Variants in ALG1L2 observed in about 807,000 individuals in gnomAD.
ALG1L2 encodes putative glycosyltransferase ALG1L2.
Under a neutral mutation model 29.0 loss-of-function variants are expected in ALG1L2, and 32 were observed. That is an observed-to-expected ratio of 1.10 (90% CI 0.83 to 1.48). The LOEUF is 1.48. Ranked by LOEUF, ALG1L2 falls within the 40% of genes most tolerant of loss-of-function variation. The pLI is 0.00. For synonymous variants in ALG1L2, 110 were observed against 109.5 expected, an observed-to-expected ratio of 1.00 and a Z score of -0.03; for missense variants, 318 against 274.1, an observed-to-expected ratio of 1.16 and a Z score of -1.13.
At chr3:130,096,002 C>G (rs1193155025) in intron 5 of ALG1L2, 47 bp from the exon 6 acceptor site, 3 of 1,493,048 alleles carry the variant, frequency 2.0e-6, no homozygotes, top group Non-Finnish European at 2.7e-6. Context: ...GATTTGTGTT[C>G]CCGGGGCAGA....
rs765621806 is a variant in ALG1L2, at chr3:130,098,224, A to G, written c.617A>G (p.Tyr206Cys). The change falls in exon 8 of 8, where the codon TAT becomes TGT. Residue 206 changes from tyrosine to cysteine, a missense_variant and splice_region_variant. Physicochemically the swap from Tyr to Cys is radical, Grantham distance 194. Coordinates refer to ENST00000425059, the MANE Select transcript of ALG1L2 (RefSeq NM_001136152.1). ...DSEELAAQLQ[Y>C]FADAFLKLS ...AATGAGGTAAGCTCTGCTCTTCAGT[A>G]TTTTGCAGATGCTTTTCTCAAACTT... 16 of 1,596,416 alleles carry G rather than the reference A, an allele frequency of 1.0e-5. No homozygotes were observed. The highest frequency in any genetic ancestry group is 1.4e-5 in the Non-Finnish European group (16 of 1,179,766).
chr3:130,082,343 A>ATGTTTTGTTTTGTTTTGTTC (rs1220410366), intron 1 of ALG1L2, among the ~76,000 whole-genome samples: 1 of 119,564 alleles, frequency 8.4e-6, no homozygotes, highest in Admixed American at 9.0e-5. Context: ...GTGTGAATCT[A>ATGTTTTGTTTTGTTTTGTTC]TGTTTTGTTT....
intron 2 of ALG1L2, chr3:130,091,738 A>C: frequency 1.7e-6 from 1 of 577,842 alleles, no homozygotes; most frequent in Non-Finnish European, 3.2e-6. Context: ...GGGGTGTCTC[A>C]TGGGGCTAAG....
At position 130,094,313 on chromosome 3, in the gene ALG1L2, G is replaced by A. The variant is rs545924690; in HGVS notation, c.314-90G>A. 3.3e-5 allele frequency: 49 copies of A among 1,490,008 alleles called. No homozygotes were observed. In the East Asian group the frequency reaches 1.0e-3, roughly 32 times the overall value. The allele number at this position is 1,490,008 out of a possible 1,614,324, so 92.3% of individuals were successfully genotyped here. On this transcript the variant is annotated intron_variant, in intron 4 of 7. Transcript: ENST00000425059. ...CGAGGGGTGGAGCTTCTGGGAAAAG[G>A]ATCCCTCCTAGGGGGGAGTGTCTTG...
chr3:130,083,887 T>G (rs1300364898), intron 1 of ALG1L2, among the ~76,000 whole-genome samples: 9 of 149,460 alleles, frequency 6.0e-5, no homozygotes, highest in Non-Finnish European at 1.2e-4. Context: ...TCAGCAAGGG[T>G]TGGTCGTGGG....
At position 130,085,443 on chromosome 3, in the gene ALG1L2, T is replaced by G. The variant is rs78373314; in HGVS notation, c.20+3407T>G. Among the ~76,000 whole-genome samples, 132 of 63,672 alleles carry G rather than the reference T, an allele frequency of 2.1e-3. 1 individual carries two copies. The highest frequency in any genetic ancestry group is 7.4e-3 in the South Asian group (14 of 1,900). 41.8% of individuals were successfully genotyped at this position (63,672 alleles called of 152,430 possible). On this transcript the variant is annotated intron_variant, in intron 1 of 7. Coordinates refer to ENST00000425059, the MANE Select transcript of ALG1L2 (RefSeq NM_001136152.1). ...ATAGAGATAGGAGTCTCCCTATGTC[T>G]GCCAGGTTGGTCTTGAAACTTGGCC...
At chr3:130,082,760 G>A (rs1218387868) in intron 1 of ALG1L2, among the ~76,000 whole-genome samples, 10 of 148,230 alleles carry the variant, frequency 6.7e-5, no homozygotes, top group South Asian at 2.1e-4. Context: ...CGTGTCTGCT[G>A]TGCCCTGAGC....
chr3:130,089,165 T>C (rs1274654305), intron 1 of ALG1L2, among the ~76,000 whole-genome samples: 2 of 152,276 alleles, frequency 1.3e-5, no homozygotes, highest in Non-Finnish European at 2.9e-5. Flanking sequence ...ACACTAATCT[T>C]CTTCCAGGCA....
At chr3:130,093,078 A>G (rs529765185) in intron 3 of ALG1L2, 23 bp from the exon 4 acceptor site, 1 of 1,565,410 alleles carries the variant, frequency 6.4e-7, no homozygotes, top group East Asian at 2.3e-5. Flanking sequence ...TCCATGTAGA[A>G]TTGTTTCTTT....
At chr3:130,093,298 C>A in intron 4 of ALG1L2, 138 bp downstream of exon 4, 2 of 994,044 alleles carry the variant, frequency 2.0e-6, no homozygotes, top group Non-Finnish European at 2.9e-6. Context: ...TCTTACACTG[C>A]TTGACATGCG....
chr3:130,095,644 G>A (rs1935113941), intron 5 of ALG1L2, among the ~76,000 whole-genome samples: 1 of 151,076 alleles, frequency 6.6e-6, no homozygotes, highest in Non-Finnish European at 1.5e-5. Flanking sequence ...GTTTCACCAT[G>A]TTGACCAGGC....
intron 1 of ALG1L2, among the ~76,000 whole-genome samples, chr3:130,087,576 G>T (rs1426471268): frequency 6.9e-6 from 1 of 145,084 alleles, no homozygotes; most frequent in East Asian, 2.0e-4. Context: ...GAAAGTCCTT[G>T]TTATTAAGGA....
At chr3:130,088,438 G>T (rs1934939646) in intron 1 of ALG1L2, among the ~76,000 whole-genome samples, 1 of 152,218 alleles carries the variant, frequency 6.6e-6, no homozygotes. Flanking sequence ...CTTTTTCTGA[G>T]ACCGAGTCTC....
At chr3:130,084,504 A>T (rs1356764097) in intron 1 of ALG1L2, among the ~76,000 whole-genome samples, 3 of 132,550 alleles carry the variant, frequency 2.3e-5, no homozygotes, top group Non-Finnish European at 5.3e-5. Flanking sequence ...TGCTGCAGAC[A>T]TCATGGATAA....
intron 3 of ALG1L2, among the ~76,000 whole-genome samples, 151 bp downstream of exon 3, chr3:130,092,373 A>C (rs1935036913): frequency 6.6e-6 from 1 of 152,052 alleles, no homozygotes; most frequent in South Asian, 2.1e-4. Flanking sequence ...TGGTGTCTAG[A>C]AACAGGCCCC....
At chr3:130,088,788 T>C (rs1934948335) in intron 1 of ALG1L2, among the ~76,000 whole-genome samples, 1 of 152,296 alleles carries the variant, frequency 6.6e-6, no homozygotes, top group Non-Finnish European at 1.5e-5. Context: ...AAGATGTGAC[T>C]TTGCTCCTCC....
rs945864684 is a variant in ALG1L2, at chr3:130,097,742, C to A, written c.616-481C>A. Among the ~76,000 whole-genome samples, 3 of 133,168 alleles carry A rather than the reference C, an allele frequency of 2.3e-5. No homozygotes were observed. The East Asian group carries it at 6.2e-4, about 28-fold the overall frequency. 87.4% of individuals were successfully genotyped at this position (133,168 alleles called of 152,430 possible). A position where few individuals can be genotyped will look rare whatever the true frequency, so the allele number is the denominator to read the frequency against. On this transcript the variant is annotated intron_variant, in intron 7 of 7. Coordinates refer to ENST00000425059, the MANE Select transcript of ALG1L2 (RefSeq NM_001136152.1). ...CCCAGTCTCTGTCAGAACCATGGTA[C>A]TCTGTTGTGGTGTGAAAGTAGCCAC... is the stretch of plus-strand genomic sequence containing the variant.
chr3:130,094,511 T>C lies in ALG1L2; in HGVS notation c.422T>C (p.Leu141Pro), dbSNP rs1935089600. The part of the protein sequence containing the change: ...WLEGRGLPPL[L>P]GSVDLDVCLD... ...GAGGGCCGAGGACTACCCCCGCTTC[T>C]AGGTGAGAGGCCAGCAGGAGGCTCA... Residue 141 changes from leucine (L) to proline (P), a missense_variant and splice_region_variant, in exon 5 of 8, where the codon CTA becomes CCA. Leu to Pro is a moderately conservative substitution (Grantham distance 98). Transcript: ENST00000425059. The C allele has an allele frequency of 6.3e-7, 1 of 1,592,596 alleles. No individual in the cohort carries two copies. Among genetic ancestry groups the C allele is most frequent in the Non-Finnish European group, 8.5e-7 (1 of 1,178,116 alleles).
At chr3:130,088,912 G>A (rs1295054150) in intron 1 of ALG1L2, among the ~76,000 whole-genome samples, 1 of 152,304 alleles carries the variant, frequency 6.6e-6, no homozygotes, top group African/African-American at 2.4e-5. Context: ...TTAGCAGAGT[G>A]AGAATGGACT....
Sources: allele counts gnomAD v4.1 joint callset (sites outside exome capture counted in the v4.1 genomes callset), GRCh38; gene constraint gnomAD v4.1.1; transcripts MANE v1.5; gene names NCBI Gene and HGNC (gene_info 2026-07-23, HGNC 2026-07-21).